Variants in NKAIN2 observed in about 807,000 individuals in gnomAD.
NKAIN2 encodes sodium/potassium transporting ATPase interacting 2, also known as sodium/potassium-transporting ATPase subunit beta-1-interacting protein 2.
In NKAIN2, 14 loss-of-function variants were observed where a neutral mutation model predicts 32.6. The ratio of observed to expected loss-of-function variants is 0.43; its 90% CI spans 0.28 to 0.67. The LOEUF (loss-of-function observed/expected upper bound fraction) is 0.67, where lower values mean the gene tolerates loss of function less well. NKAIN2 is among the 30% of genes least tolerant of loss of function. The pLI, the probability that NKAIN2 is intolerant of heterozygous loss-of-function variation, is 0.17. For synonymous variants in NKAIN2, 80 were observed against 87.2 expected, an observed-to-expected ratio of 0.92 and a Z score of 0.46; for missense variants, 198 against 258.3, an observed-to-expected ratio of 0.77 and a Z score of 1.60.
rs112232596 is a variant in NKAIN2 at position 124,189,792 on chromosome 6, A to G, written c.55-93213A>G. 1.3e-3 allele frequency among the ~76,000 whole-genome samples: 205 copies of G among 152,312 alleles called. 1 individual carries two copies. Among genetic ancestry groups the G allele is most frequent in the African/African-American group, 4.7e-3 (196 of 41,566 alleles). On this transcript the variant is annotated intron_variant, in intron 1 of 6. Transcript: ENST00000368417. ...AGCACATCTTTCCTCCTTAGTGGTAATTAGTGCCTTTTTACATGTTGCACA... is the reference window on the plus strand; with the variant it reads ...AGCACATCTTTCCTCCTTAGTGGTAGTTAGTGCCTTTTTACATGTTGCACA...
chr6:124,447,988 G>T (rs780688957), intron 3 of NKAIN2, among the ~76,000 whole-genome samples: 3 of 152,020 alleles, frequency 2.0e-5, no homozygotes, highest in Non-Finnish European at 4.4e-5. Flanking sequence ...CTTAAGTATG[G>T]TGTCTCCAGT....
At chr6:124,746,107 T>C (rs1170304704) in intron 4 of NKAIN2, among the ~76,000 whole-genome samples, 1 of 151,894 alleles carries the variant, frequency 6.6e-6, no homozygotes, top group Non-Finnish European at 1.5e-5. Context: ...GGTTTTGATG[T>C]GGCACCCCTG....
intron 2 of NKAIN2, among the ~76,000 whole-genome samples, chr6:124,339,271 G>A (rs1277210507): frequency 6.6e-6 from 1 of 151,684 alleles, no homozygotes; most frequent in Non-Finnish European, 1.5e-5. Context: ...CTTGAACCCA[G>A]GAGGCAGAAG....
At chr6:124,519,092 G>A (rs1779029691) in intron 3 of NKAIN2, among the ~76,000 whole-genome samples, 1 of 152,160 alleles carries the variant, frequency 6.6e-6, no homozygotes, top group Non-Finnish European at 1.5e-5. Context: ...ATAGAGCAGA[G>A]TGAGTGAAGT....
chr6:124,234,022 T>G (rs1298256392), intron 1 of NKAIN2, among the ~76,000 whole-genome samples: 1 of 152,162 alleles, frequency 6.6e-6, no homozygotes, highest in Non-Finnish European at 1.5e-5. Flanking sequence ...TTCTTCAAAA[T>G]TATCCTGAAA....
intron 2 of NKAIN2, among the ~76,000 whole-genome samples, chr6:124,334,734 G>A (rs1159325687): frequency 5.0e-5 from 1 of 19,934 alleles, no homozygotes; most frequent in Admixed American, 4.5e-4. Flanking sequence ...ATGACTCCTC[G>A]CCAGAACTTC....
At chr6:124,231,190 G>A (rs890438909) in intron 1 of NKAIN2, among the ~76,000 whole-genome samples, 1 of 152,206 alleles carries the variant, frequency 6.6e-6, no homozygotes, top group African/African-American at 2.4e-5. Flanking sequence ...CTTGCATGGG[G>A]CCTGTAGCCC....
chr6:124,726,195 C>T (rs539136710), intron 4 of NKAIN2, among the ~76,000 whole-genome samples: 259 of 152,266 alleles, frequency 1.7e-3, no homozygotes, highest in South Asian at 6.4e-3. Context: ...TCCAACTGGG[C>T]GGAGCCCACC....
intron 1 of NKAIN2, among the ~76,000 whole-genome samples, chr6:124,157,872 T>A (rs1369668949): frequency 6.6e-6 from 1 of 152,196 alleles, no homozygotes; most frequent in Non-Finnish European, 1.5e-5. Flanking sequence ...TGCATACACC[T>A]GCTTATCTTT....
chr6:124,149,156 C>T (rs558324206), intron 1 of NKAIN2, among the ~76,000 whole-genome samples: 13 of 152,016 alleles, frequency 8.6e-5, no homozygotes, highest in Admixed American at 3.3e-4. Flanking sequence ...AAAAAGGTTA[C>T]TTTTATTTTC....
intron 2 of NKAIN2, among the ~76,000 whole-genome samples, chr6:124,292,411 A>C (rs2114950630): frequency 6.6e-6 from 1 of 152,280 alleles, no homozygotes; most frequent in Middle Eastern, 3.4e-3. Context: ...TAATAGTTGT[A>C]GGACTATATT....
intron 2 of NKAIN2, among the ~76,000 whole-genome samples, chr6:124,316,236 A>G (rs938264974): frequency 6.6e-6 from 1 of 152,138 alleles, no homozygotes; most frequent in African/African-American, 2.4e-5. Flanking sequence ...AAAATATCAC[A>G]TGTATCCCAT....
intron 3 of NKAIN2, among the ~76,000 whole-genome samples, chr6:124,522,254 C>G (rs1481897766): frequency 6.6e-6 from 1 of 152,110 alleles, no homozygotes; most frequent in Non-Finnish European, 1.5e-5. Flanking sequence ...TCATGTAAAA[C>G]TGCTTTCATA....
intron 3 of NKAIN2, among the ~76,000 whole-genome samples, chr6:124,452,117 C>T (rs963032494): frequency 1.3e-5 from 2 of 151,398 alleles, no homozygotes; most frequent in African/African-American, 4.9e-5. Flanking sequence ...ACCACTTGAG[C>T]CTGGGAGGCA....
chr6:124,137,350 A>G (rs1438976035), intron 1 of NKAIN2, among the ~76,000 whole-genome samples: 1 of 152,172 alleles, frequency 6.6e-6, no homozygotes, highest in African/African-American at 2.4e-5. Context: ...CTACTAAAAG[A>G]AATCATAGAT....
intron 5 of NKAIN2, among the ~76,000 whole-genome samples, chr6:124,807,045 C>G (rs1348723638): frequency 6.6e-6 from 1 of 152,026 alleles, no homozygotes; most frequent in Non-Finnish European, 1.5e-5. Flanking sequence ...TAATGGGAGA[C>G]TTTAACACCC....
intron 1 of NKAIN2, among the ~76,000 whole-genome samples, chr6:123,973,004 C>G (rs994554847): frequency 1.3e-5 from 2 of 151,994 alleles, no homozygotes; most frequent in African/African-American, 4.8e-5. Context: ...TATTTTGTAA[C>G]TTTTATATTT....
At chr6:124,789,688 T>A (rs1779656103) in intron 4 of NKAIN2, among the ~76,000 whole-genome samples, 1 of 151,940 alleles carries the variant, frequency 6.6e-6, no homozygotes, top group Admixed American at 6.6e-5. Flanking sequence ...AGACATTGGT[T>A]TTTAATTAGT....
At chr6:124,229,257 G>T (rs1211067334) in intron 1 of NKAIN2, among the ~76,000 whole-genome samples, 2 of 152,222 alleles carry the variant, frequency 1.3e-5, no homozygotes, top group South Asian at 4.1e-4. Context: ...ATATAAAGAT[G>T]AATTTAATGG....
Sources: allele counts gnomAD v4.1 joint callset (sites outside exome capture counted in the v4.1 genomes callset), GRCh38; gene constraint gnomAD v4.1.1; transcripts MANE v1.5; gene names NCBI Gene and HGNC (gene_info 2026-07-23, HGNC 2026-07-21).